TCF3: variants seen among roughly 807,000 people sequenced by gnomAD.
The protein encoded by TCF3 is transcription factor E2-alpha.
TCF3 carries 54 observed loss-of-function variants against 72.3 expected under a neutral mutation model. The observed-to-expected ratio is 0.75, with a 90% CI of 0.60 to 0.94. The LOEUF (loss-of-function observed/expected upper bound fraction) is 0.94. TCF3 is among the 40% of genes least tolerant of loss of function. TCF3 has a pLI of 0.00. For missense variants in TCF3, 1,078 were observed against 934.4 expected (o/e 1.15, Z -2.00); for synonymous variants, 525 against 412.6 (o/e 1.27, Z -3.30).
intron 7 of TCF3, 79 bp downstream of exon 7, chr19:1,625,497 C>G: frequency 2.1e-6 from 3 of 1,444,520 alleles, no homozygotes; most frequent in Non-Finnish European, 1.8e-6. Flanking sequence ...CTGGTGCCCT[C>G]AGCTAACGGG....
intron 4 of TCF3, 83 bp downstream of exon 4, chr19:1,632,249 C>T: frequency 1.3e-6 from 2 of 1,544,634 alleles, no homozygotes; most frequent in Non-Finnish European, 1.8e-6. Flanking sequence ...GGCCCCTTCT[C>T]TCAGCCTCAG....
rs2061478126 is a variant in TCF3 at position 1,615,650 on chromosome 19, G to A, written c.1586+36C>T. On this transcript the variant is annotated intron_variant, in intron 17 of 18. Transcript: ENST00000262965. The surrounding 1 kb of genome is among the most constrained non-coding windows in gnomAD (Gnocchi z 7.3). ...CCTGTGCACATGTGCGTCCTGATGG[G>A]GTGAGGGTGGGGAGTGCCGAGGGGT... 1.2e-6 allele frequency: 2 copies of A among 1,612,800 alleles called. No homozygotes were observed. The highest frequency in any genetic ancestry group is 1.3e-5 in the African/African-American group (1 of 74,890).
intron 14 of TCF3, 30 bp from the exon 15 acceptor site, chr19:1,619,504 G>A (rs752058995): frequency 1.8e-4 from 286 of 1,550,620 alleles, no homozygotes; most frequent in Middle Eastern, 2.3e-4. Flanking sequence ...GTGGTGAGGG[G>A]CCCAAGCCGA....
At chr19:1,636,101 G>A (rs990214506) in intron 3 of TCF3, among the ~76,000 whole-genome samples, 2 of 152,246 alleles carry the variant, frequency 1.3e-5, no homozygotes, top group Non-Finnish European at 2.9e-5. Context: ...TGACGGGTGA[G>A]ATCAGACAGA....
At chr19:1,650,545 T>C (rs1042372304) in intron 1 of TCF3, 4 of 384,794 alleles carry the variant, frequency 1.0e-5, no homozygotes, top group South Asian at 7.5e-5. Context: ...GGTGTGCAAA[T>C]ATAAACTCCC....
intron 3 of TCF3, among the ~76,000 whole-genome samples, chr19:1,638,581 C>T (rs2145233851): frequency 6.6e-6 from 1 of 152,334 alleles, no homozygotes; most frequent in African/African-American, 2.4e-5. Flanking sequence ...CAAATACCAG[C>T]AGGGAAGAGA....
chr19:1,619,570 C>T, intron 14 of TCF3, 96 bp from the exon 15 acceptor site: 1 of 1,463,008 alleles, frequency 6.8e-7, no homozygotes, highest in Non-Finnish European at 9.1e-7. Context: ...CCGGTGGTCC[C>T]ATCTTCCCCT....
rs1387819020 is a variant in TCF3, at chr19:1,614,600, G to A, written c.1822+685C>T. On this transcript the variant is annotated intron_variant, in intron 18 of 18. Transcript: ENST00000262965. The surrounding 1 kb of genome is among the most constrained non-coding windows in gnomAD (Gnocchi z 5.6). Reference sequence around the variant, plus strand: ...TGGGCCGGGCCGGGGCTCTGGCTCCGGTCCCAGCAACAGTGCTGCAGGAGA... The same window carrying A: ...TGGGCCGGGCCGGGGCTCTGGCTCCAGTCCCAGCAACAGTGCTGCAGGAGA... Among the ~76,000 whole-genome samples, 2 of 152,242 alleles carry A rather than the reference G, an allele frequency of 1.3e-5. No individual in the cohort carries two copies. Among genetic ancestry groups the A allele is most frequent in the South Asian group, 4.1e-4 (2 of 4,832 alleles).
Position 1,610,536 on chromosome 19 carries a change from G to A in TCF3, c.*1171C>T, listed in dbSNP as rs763249492. On this transcript the variant is annotated 3_prime_UTR_variant, in exon 19 of 19. Coordinates refer to ENST00000262965, the MANE Select transcript of TCF3 (RefSeq NM_003200.5). ...GGAGTGAAGGACAGGGTGTCCAGGA[G>A]GTCCCCAGCACCGGGCTCCAGGGTG... 4 of 231,554 alleles carry A rather than the reference G, an allele frequency of 1.7e-5. No individual in the cohort carries two copies. Among genetic ancestry groups the A allele is most frequent in the African/African-American group, 6.6e-5 (3 of 45,200 alleles). 14.3% of individuals were successfully genotyped at this position (231,554 alleles called of 1,614,324 possible).
At position 1,637,775 on chromosome 19, in the gene TCF3, G is replaced by C. The variant is rs148057237; in HGVS notation, c.146-5370C>G. Among the ~76,000 whole-genome samples, 243 of 152,306 alleles carry C rather than the reference G, an allele frequency of 1.6e-3. 1 individual carries two copies. The highest frequency in any genetic ancestry group is 5.7e-3 in the African/African-American group (236 of 41,578). On this transcript the variant is annotated intron_variant, in intron 3 of 18. Transcript: ENST00000262965. ...AATACAAAAATTAGCTGGGCGTGGTGGTGGGCACCTGTAGTACCAGCTACT... is the reference window on the plus strand; with the variant it reads ...AATACAAAAATTAGCTGGGCGTGGTCGTGGGCACCTGTAGTACCAGCTACT...
At position 1,619,487 on chromosome 19, in the gene TCF3, G is replaced by C. The variant is rs1249792716; in HGVS notation, c.1168-13C>G. The C allele has an allele frequency of 6.4e-7, 1 of 1,566,468 alleles. No homozygotes were observed. Among genetic ancestry groups the C allele is most frequent in the Admixed American group, 1.7e-5 (1 of 57,610 alleles). On this transcript the variant is annotated splice_polypyrimidine_tract_variant and intron_variant, in intron 14 of 18. Transcript: ENST00000262965. ...CTATCTTACTCTGCTGCAGGGTGGG[G>C]GGATGGGTGGTGAGGGGCCCAAGCC... is the stretch of plus-strand genomic sequence containing the variant.
At chr19:1,642,089 T>TG (rs2065327081) in intron 3 of TCF3, among the ~76,000 whole-genome samples, 1 of 150,634 alleles carries the variant, frequency 6.6e-6, no homozygotes, top group Admixed American at 6.6e-5. Context: ...TGGTGATTCC[T>TG]GGGCTTAAAG....
At chr19:1,638,853 T>C (rs2064836485) in intron 3 of TCF3, among the ~76,000 whole-genome samples, 1 of 151,916 alleles carries the variant, frequency 6.6e-6, no homozygotes, top group South Asian at 2.1e-4. Context: ...AAAAACAAAA[T>C]AAGACGATGG....
chr19:1,615,198 G>C lies in TCF3; in HGVS notation c.1822+87C>G. 14 of 1,468,066 alleles carry C rather than the reference G, an allele frequency of 9.5e-6. No individual in the cohort carries two copies. Among genetic ancestry groups the C allele is most frequent in the Non-Finnish European group, 1.3e-5 (14 of 1,107,376 alleles). The allele number at this position is 1,468,066 out of a possible 1,614,324, so 90.9% of individuals were successfully genotyped here. On this transcript the variant is annotated intron_variant, in intron 18 of 18. Coordinates refer to ENST00000262965, the MANE Select transcript of TCF3 (RefSeq NM_003200.5). This position sits in a 1 kb window ranked among gnomAD's most constrained non-coding sequence, Gnocchi z 7.3. ...TGCTGCAGAGGGAGGGCTGGCTCCA[G>C]GAAGGCGGGCGGGGAAGGAGAACGA... is the stretch of plus-strand genomic sequence containing the variant.
At chr19:1,647,714 T>C (rs2066340694) in intron 2 of TCF3, among the ~76,000 whole-genome samples, 1 of 152,178 alleles carries the variant, frequency 6.6e-6, no homozygotes. Flanking sequence ...CCAACTGCAT[T>C]TCTATCTGCT....
chr19:1,631,645 G>C (rs921906206), intron 5 of TCF3, among the ~76,000 whole-genome samples: 7 of 152,036 alleles, frequency 4.6e-5, no homozygotes, highest in Non-Finnish European at 8.8e-5. Flanking sequence ...GAAGGGCATG[G>C]GCTCTGACCA....
intron 5 of TCF3, among the ~76,000 whole-genome samples, chr19:1,627,696 C>T (rs573687089): frequency 1.1e-4 from 16 of 152,258 alleles, no homozygotes; most frequent in African/African-American, 1.4e-4. Context: ...CCGATGATTT[C>T]GGGGCCAACT....
At chr19:1,620,581 G>A (rs553871914) in intron 13 of TCF3, among the ~76,000 whole-genome samples, 7 of 152,338 alleles carry the variant, frequency 4.6e-5, no homozygotes, top group East Asian at 3.9e-4. Flanking sequence ...TCATGTTCAC[G>A]CAGTGTGAAC....
chr19:1,633,099 C>T lies in TCF3; in HGVS notation c.146-694G>A, dbSNP rs182486661. ...CGAGGACCTTGGTCCCGGGGCGGGGCGGGCGGGGCCCTTATCTCTCAGAAC... is the reference window on the plus strand; with the variant it reads ...CGAGGACCTTGGTCCCGGGGCGGGGTGGGCGGGGCCCTTATCTCTCAGAAC... On this transcript the variant is annotated intron_variant, in intron 3 of 18. Coordinates refer to ENST00000262965, the MANE Select transcript of TCF3 (RefSeq NM_003200.5). Among the ~76,000 whole-genome samples the T allele has an allele frequency of 6.1e-5, 8 of 131,562 alleles. No individual in the cohort carries two copies. The East Asian group carries it at 1.0e-3, about 17-fold the overall frequency. The allele number at this position is 131,562 out of a possible 152,430, so 86.3% of individuals were successfully genotyped here.
Sources: gnomAD v4.1 joint callset for allele counts (sites outside exome capture counted in the v4.1 genomes callset) on GRCh38, gnomAD v4.1.1 for gene constraint, Gnocchi (gnomAD v3.1) non-coding constraint, MANE v1.5 for transcripts, NCBI Gene and HGNC (gene_info 2026-07-23, HGNC 2026-07-21) for gene names.